PCSK5: variants seen among roughly 807,000 people sequenced by gnomAD.
PCSK5 encodes prohormone convertase 5.
Under a neutral mutation model 233.2 loss-of-function variants are expected in PCSK5, and 129 were observed. That is an observed-to-expected ratio of 0.55 (90% CI 0.48 to 0.64). The LOEUF is 0.64. Ranked by LOEUF, PCSK5 falls within the 30% of genes least tolerant of loss-of-function variation. PCSK5 has a pLI of 0.00. For missense variants in PCSK5, 2,076 were observed against 2,430.1 expected (o/e 0.85, Z 3.06); for synonymous variants, 825 against 879.2 (o/e 0.94, Z 1.09).
chr9:75,992,231 G>A (rs938560560), intron 3 of PCSK5, among the ~76,000 whole-genome samples: 2 of 152,156 alleles, frequency 1.3e-5, no homozygotes, highest in African/African-American at 2.4e-5. Flanking sequence ...GTCATCACTT[G>A]CGCTGAATTC....
intron 14 of PCSK5, among the ~76,000 whole-genome samples, chr9:76,177,519 T>G (rs1823667325): frequency 6.6e-6 from 1 of 152,220 alleles, no homozygotes; most frequent in Non-Finnish European, 1.5e-5. Flanking sequence ...TAAGACCAAT[T>G]GAGCTTATCA....
intron 9 of PCSK5, among the ~76,000 whole-genome samples, chr9:76,122,739 A>T (rs1218539332): frequency 1.3e-5 from 2 of 151,850 alleles, no homozygotes; most frequent in Non-Finnish European, 2.9e-5. Flanking sequence ...ATGTAAACGA[A>T]TCCTATGTTT....
At chr9:76,149,458 A>G (rs1035081138) in intron 10 of PCSK5, among the ~76,000 whole-genome samples, 1 of 152,236 alleles carries the variant, frequency 6.6e-6, no homozygotes, top group African/African-American at 2.4e-5. Context: ...AAAGCAAAGC[A>G]AAACTAAAGG....
chr9:76,210,909 G>A (rs1825304481), intron 20 of PCSK5, among the ~76,000 whole-genome samples: 1 of 152,184 alleles, frequency 6.6e-6, no homozygotes, highest in Admixed American at 6.5e-5. Flanking sequence ...GATTAGATGT[G>A]AGGAGGGATC....
intron 1 of PCSK5, among the ~76,000 whole-genome samples, chr9:75,929,674 G>A (rs556204746): frequency 8.5e-5 from 13 of 152,106 alleles, no homozygotes; most frequent in African/African-American, 2.9e-4. Flanking sequence ...TCATGCTGCC[G>A]ATAAAGACAT....
At chr9:76,048,338 T>C (rs1465165713) in intron 5 of PCSK5, among the ~76,000 whole-genome samples, 1 of 152,206 alleles carries the variant, frequency 6.6e-6, no homozygotes. Flanking sequence ...TTTGTTTGGC[T>C]TTCTCACTTA....
intron 21 of PCSK5, among the ~76,000 whole-genome samples, chr9:76,230,750 G>A (rs1826054876): frequency 6.6e-6 from 1 of 151,996 alleles, no homozygotes; most frequent in Non-Finnish European, 1.5e-5. Context: ...GCCCATGTGA[G>A]GAATCTAGGT....
rs552822732 is a variant in PCSK5, at chr9:75,905,881, G to T, written c.192+14508G>T. On this transcript the variant is annotated intron_variant, in intron 1 of 37. Transcript: ENST00000674117. ...CCTGTCCATGGAAAAATTTTCTTCCGTGAAACCGGTCCCTGGTGCCGAAAA... is the reference window on the plus strand; with the variant it reads ...CCTGTCCATGGAAAAATTTTCTTCCTTGAAACCGGTCCCTGGTGCCGAAAA... 6.6e-5 allele frequency among the ~76,000 whole-genome samples: 10 copies of T among 152,240 alleles called. No homozygotes were observed. The South Asian group carries it at 1.9e-3, about 28-fold the overall frequency.
At chr9:76,123,439 T>G (rs2131721386) in intron 9 of PCSK5, among the ~76,000 whole-genome samples, 1 of 152,268 alleles carries the variant, frequency 6.6e-6, no homozygotes, top group African/African-American at 2.4e-5. Flanking sequence ...AATAGAAGAG[T>G]TATCACCTTT....
chr9:76,146,760 A>G (rs1393821731), intron 10 of PCSK5, among the ~76,000 whole-genome samples: 4 of 152,252 alleles, frequency 2.6e-5, no homozygotes, highest in African/African-American at 7.2e-5. Flanking sequence ...ACAGTAATCA[A>G]TGGATAAATA....
At chr9:76,277,431 T>C (rs928433983) in intron 24 of PCSK5, among the ~76,000 whole-genome samples, 3 of 152,204 alleles carry the variant, frequency 2.0e-5, no homozygotes. Context: ...TTGCCTATTA[T>C]GATATTCCAT....
intron 24 of PCSK5, among the ~76,000 whole-genome samples, chr9:76,254,046 G>A (rs549619144): frequency 1.6e-4 from 24 of 152,250 alleles, no homozygotes; most frequent in Non-Finnish European, 3.1e-4. Context: ...GGACCAGGTT[G>A]ATAGAGCAGC....
At chr9:75,895,153 GC>G (rs545618751) in intron 1 of PCSK5, among the ~76,000 whole-genome samples, 6 of 152,060 alleles carry the variant, frequency 3.9e-5, no homozygotes, top group East Asian at 1.9e-4. Flanking sequence ...TTTACCTAGA[GC>G]CCCCCCATTG....
chr9:76,303,435 A>T (rs1442391450), intron 28 of PCSK5, among the ~76,000 whole-genome samples: 1 of 152,230 alleles, frequency 6.6e-6, no homozygotes, highest in Admixed American at 6.5e-5. Flanking sequence ...ATTTGTAGAT[A>T]TAGACATTAA....
chr9:75,953,153 C>T (rs936655725), intron 2 of PCSK5, among the ~76,000 whole-genome samples: 1 of 152,006 alleles, frequency 6.6e-6, no homozygotes, highest in Non-Finnish European at 1.5e-5. Flanking sequence ...AACTTTTTTT[C>T]TCAAATGGAC....
At chr9:75,926,073 G>A (rs75480378) in intron 1 of PCSK5, among the ~76,000 whole-genome samples, 13,097 of 152,142 alleles carry the variant, frequency 0.086, 724 homozygotes, top group African/African-American at 0.14. Flanking sequence ...GTGAGCTGGC[G>A]GACACATTCC....
At chr9:76,148,982 T>A (rs1823561338) in intron 10 of PCSK5, among the ~76,000 whole-genome samples, 1 of 152,198 alleles carries the variant, frequency 6.6e-6, no homozygotes, top group Admixed American at 6.5e-5. Context: ...TCTCATTACC[T>A]TCTCTCCATG....
At chr9:76,174,076 C>T (rs1231287902) in intron 13 of PCSK5, among the ~76,000 whole-genome samples, 4 of 152,088 alleles carry the variant, frequency 2.6e-5, no homozygotes, top group African/African-American at 9.7e-5. Context: ...CTCTTGAGCA[C>T]TGGAAATATG....
At chr9:75,929,045 C>G (rs555715397) in intron 1 of PCSK5, among the ~76,000 whole-genome samples, 1 of 152,228 alleles carries the variant, frequency 6.6e-6, no homozygotes, top group Non-Finnish European at 1.5e-5. Context: ...AAGCAATTCT[C>G]CTACCTCAGC....
Sources: allele counts gnomAD v4.1 joint callset (sites outside exome capture counted in the v4.1 genomes callset), GRCh38; gene constraint gnomAD v4.1.1; transcripts MANE v1.5; gene names NCBI Gene and HGNC (gene_info 2026-07-23, HGNC 2026-07-21).